Variants in KHDRBS2 observed in about 807,000 individuals in gnomAD.
KHDRBS2 encodes the protein KH RNA binding domain containing, signal transduction associated 2.
In KHDRBS2, 26 loss-of-function variants were observed where a neutral mutation model predicts 44.3. The ratio of observed to expected loss-of-function variants is 0.59; its 90% CI spans 0.43 to 0.81. The LOEUF (loss-of-function observed/expected upper bound fraction) is 0.81. KHDRBS2 is among the 40% of genes least tolerant of loss of function. The pLI is 0.00. For missense variants in KHDRBS2, 476 were observed against 433.1 expected (o/e 1.10, Z -0.88); for synonymous variants, 194 against 151.1 (o/e 1.28, Z -2.08).
chr6:61,908,464 C>A (rs994618498), intron 4 of KHDRBS2, among the ~76,000 whole-genome samples: 21 of 151,800 alleles, frequency 1.4e-4, no homozygotes, highest in Non-Finnish European at 5.9e-5. Context: ...GAAACGCAGT[C>A]TCTACTAAAA....
intron 1 of KHDRBS2, among the ~76,000 whole-genome samples, chr6:62,281,682 AGTT>A: frequency 6.6e-6 from 1 of 152,154 alleles, no homozygotes; most frequent in East Asian, 1.9e-4. Flanking sequence ...CACAAGCAGA[AGTT>A]GTTTTTTGTT....
intron 6 of KHDRBS2, among the ~76,000 whole-genome samples, chr6:61,875,197 A>G (rs920280011): frequency 1.2e-4 from 18 of 149,532 alleles, no homozygotes; most frequent in Non-Finnish European, 2.3e-4. Context: ...AGGGAGGGAG[A>G]GAGAGAGAGA....
the KHDRBS2 span, among the ~76,000 whole-genome samples, chr6:61,547,690 G>A: frequency 6.6e-6 from 1 of 152,158 alleles, no homozygotes; most frequent in Non-Finnish European, 1.5e-5. Flanking sequence ...AATTAAGCCA[G>A]TGTCTCTAGG....
At chr6:61,777,097 A>T (rs977921690) in intron 6 of KHDRBS2, among the ~76,000 whole-genome samples, 3 of 150,348 alleles carry the variant, frequency 2.0e-5, no homozygotes, top group Non-Finnish European at 4.4e-5. Context: ...ATGAGAACAC[A>T]TGGACACAGG....
chr6:61,945,889 A>C (rs1813267690), intron 4 of KHDRBS2, among the ~76,000 whole-genome samples: 1 of 152,166 alleles, frequency 6.6e-6, no homozygotes, highest in African/African-American at 2.4e-5. Flanking sequence ...AAAAACACTA[A>C]AATTGCACAC....
the KHDRBS2 span, among the ~76,000 whole-genome samples, chr6:61,670,091 A>G: frequency 1.3e-5 from 2 of 151,380 alleles, no homozygotes; most frequent in Admixed American, 1.3e-4. Context: ...GAGTAGGATT[A>G]TACATTTCTT....
intron 6 of KHDRBS2, among the ~76,000 whole-genome samples, chr6:61,872,723 C>T (rs991367423): frequency 2.6e-5 from 4 of 151,684 alleles, no homozygotes; most frequent in African/African-American, 9.7e-5. Flanking sequence ...GAAAACAAGA[C>T]CAAGGTAAGC....
chr6:61,903,317 A>G (rs1804401426), intron 4 of KHDRBS2, among the ~76,000 whole-genome samples: 1 of 152,152 alleles, frequency 6.6e-6, no homozygotes. Flanking sequence ...CGGGGTGCTT[A>G]TGAGTTGTAG....
At chr6:61,573,799 AAAAAAAAGT>A in the KHDRBS2 span, among the ~76,000 whole-genome samples, 1 of 151,994 alleles carries the variant, frequency 6.6e-6, no homozygotes, top group African/African-American at 2.4e-5. Flanking sequence ...CAGGAAAAAA[AAAAAAAAGT>A]AAAAGTAAAA....
the KHDRBS2 span, among the ~76,000 whole-genome samples, chr6:61,588,065 G>A: frequency 6.6e-6 from 1 of 152,100 alleles, no homozygotes; most frequent in Non-Finnish European, 1.5e-5. Context: ...GCAAGAAAAG[G>A]CCACACCCTA....
At chr6:62,154,222 C>A (rs1815874279) in intron 2 of KHDRBS2, among the ~76,000 whole-genome samples, 1 of 152,050 alleles carries the variant, frequency 6.6e-6, no homozygotes, top group South Asian at 2.1e-4. Context: ...ATAACATGAC[C>A]AGGCTCCAGG....
At chr6:61,893,371 C>T (rs183373885) in intron 6 of KHDRBS2, among the ~76,000 whole-genome samples, 223 of 152,266 alleles carry the variant, frequency 1.5e-3, no homozygotes, top group African/African-American at 5.1e-3. Context: ...ACTAGAAATA[C>T]CATTTGACCC....
At chr6:61,905,854 CTTTTTTTTT>C (rs10676797) in intron 4 of KHDRBS2, among the ~76,000 whole-genome samples, 38 of 114,176 alleles carry the variant, frequency 3.3e-4, no homozygotes, top group Non-Finnish European at 5.8e-4. Context: ...CAAAACTTTT[CTTTTTTTTT>C]TTTTTTTTTT....
chr6:62,073,098 G>A (rs1235774706), intron 2 of KHDRBS2, among the ~76,000 whole-genome samples: 9 of 151,366 alleles, frequency 5.9e-5, no homozygotes, highest in Admixed American at 1.3e-4. Context: ...GAATTTATCC[G>A]GAAAGTGTTC....
intron 6 of KHDRBS2, among the ~76,000 whole-genome samples, chr6:61,787,051 A>T (rs1783927616): frequency 6.7e-6 from 1 of 148,778 alleles, no homozygotes; most frequent in Non-Finnish European, 1.5e-5. Context: ...ATATAATTAT[A>T]TATAAATATG....
chr6:62,189,198 A>G (rs1438350615), intron 1 of KHDRBS2, among the ~76,000 whole-genome samples: 1 of 152,058 alleles, frequency 6.6e-6, no homozygotes. Flanking sequence ...TGTCCTGAGA[A>G]CATTCAATCA....
chr6:61,796,203 T>G lies in KHDRBS2; in HGVS notation c.811-63439A>C, dbSNP rs535556035. On this transcript the variant is annotated intron_variant, in intron 6 of 8. Coordinates refer to ENST00000281156, the MANE Select transcript of KHDRBS2 (RefSeq NM_152688.4). ...CATCATGATTTGGCTTCATTATTAT[T>G]TTTATGTAAATGTAAGAAAAATAAA... Among the ~76,000 whole-genome samples the G allele has an allele frequency of 9.2e-5, 14 of 152,200 alleles. No homozygotes were observed. The East Asian group carries it at 2.7e-3, about 29-fold the overall frequency.
At chr6:61,880,184 C>T (rs963682208) in intron 6 of KHDRBS2, among the ~76,000 whole-genome samples, 5 of 151,536 alleles carry the variant, frequency 3.3e-5, no homozygotes, top group African/African-American at 9.7e-5. Context: ...TGAAGACTCT[C>T]GAACAGATAA....
At chr6:61,843,375 T>C (rs1353943519) in intron 6 of KHDRBS2, among the ~76,000 whole-genome samples, 3 of 148,458 alleles carry the variant, frequency 2.0e-5, no homozygotes, top group East Asian at 2.0e-4. Flanking sequence ...ATTATTATTA[T>C]ATTTTGAGAC....
Sources: gnomAD v4.1 joint callset for allele counts (sites outside exome capture counted in the v4.1 genomes callset) on GRCh38, gnomAD v4.1.1 for gene constraint, MANE v1.5 for transcripts, NCBI Gene and HGNC (gene_info 2026-07-23, HGNC 2026-07-21) for gene names.